HHAT: variants seen among roughly 807,000 people sequenced by gnomAD.
HHAT encodes the protein protein-cysteine N-palmitoyltransferase HHAT.
A neutral mutation model predicts 70.8 loss-of-function variants in HHAT; 47 were observed. The ratio of observed to expected loss-of-function variants is 0.66; its 90% CI spans 0.53 to 0.85. The LOEUF (loss-of-function observed/expected upper bound fraction) is 0.85. Ranked by LOEUF, HHAT falls within the 40% of genes least tolerant of loss-of-function variation. HHAT has a pLI of 0.00. For missense variants in HHAT, 609 were observed against 604.8 expected (o/e 1.01, Z -0.07); for synonymous variants, 228 against 247.6 (o/e 0.92, Z 0.74).
intron 9 of HHAT, among the ~76,000 whole-genome samples, chr1:210,521,794 G>A (rs188649431): frequency 5.1e-4 from 78 of 152,276 alleles, no homozygotes; most frequent in Non-Finnish European, 9.6e-4. Flanking sequence ...CCTTAGGACC[G>A]TTTAGACCTT....
chr1:210,378,639 G>A (rs542314983), intron 3 of HHAT, among the ~76,000 whole-genome samples: 18 of 152,062 alleles, frequency 1.2e-4, no homozygotes, highest in African/African-American at 3.9e-4. Flanking sequence ...AAAGTAATTG[G>A]GATATCCATC....
chr1:210,349,110 T>C, intron 2 of HHAT, 44 bp downstream of exon 2: 1 of 1,590,738 alleles, frequency 6.3e-7, no homozygotes, highest in Non-Finnish European at 8.6e-7. Flanking sequence ...ACAAGGAAAC[T>C]CCTGTCAAAA....
intron 10 of HHAT, among the ~76,000 whole-genome samples, chr1:210,604,429 T>C (rs1664966475): frequency 6.6e-6 from 1 of 152,066 alleles, no homozygotes; most frequent in South Asian, 2.1e-4. Context: ...GACATATTAG[T>C]TTTAAATGAT....
intron 9 of HHAT, among the ~76,000 whole-genome samples, chr1:210,559,843 A>C (rs1008821405): frequency 6.6e-6 from 1 of 152,186 alleles, no homozygotes; most frequent in African/African-American, 2.4e-5. Context: ...ACATTATTGA[A>C]ACAGTGTATC....
At chr1:210,370,729 C>T (rs1257772651) in intron 3 of HHAT, among the ~76,000 whole-genome samples, 6 of 149,472 alleles carry the variant, frequency 4.0e-5, no homozygotes, top group Non-Finnish European at 7.4e-5. Flanking sequence ...ATTCTCTTGC[C>T]TCAGCCTCCC....
chr1:210,392,407 TC>T (rs1168050698), intron 4 of HHAT, among the ~76,000 whole-genome samples: 2 of 152,094 alleles, frequency 1.3e-5, no homozygotes, highest in African/African-American at 4.8e-5. Context: ...TTCAGTATTG[TC>T]CCCAGGGCAC....
At chr1:210,516,736 A>AT (rs1419055974) in intron 9 of HHAT, among the ~76,000 whole-genome samples, 1 of 142,066 alleles carries the variant, frequency 7.0e-6, no homozygotes, top group Non-Finnish European at 1.6e-5. Flanking sequence ...AGTGTTTGGC[A>AT]TAAAAAAAAA....
chr1:210,649,055 T>A (rs1248338144), intron 11 of HHAT, among the ~76,000 whole-genome samples: 5 of 152,212 alleles, frequency 3.3e-5, no homozygotes, highest in Non-Finnish European at 1.5e-5. Context: ...TGAAAATAGC[T>A]TCCTTGGAAT....
chr1:210,421,917 G>GT (rs1004391819), intron 7 of HHAT, among the ~76,000 whole-genome samples: 2 of 151,904 alleles, frequency 1.3e-5, no homozygotes, highest in African/African-American at 4.8e-5. Flanking sequence ...TTTTTATGTT[G>GT]TTTTTTTGAC....
chr1:210,556,228 T>C (rs114086150), intron 9 of HHAT, among the ~76,000 whole-genome samples: 245 of 150,936 alleles, frequency 1.6e-3, no homozygotes, highest in African/African-American at 5.7e-3. Context: ...TTGCCTGACC[T>C]CTGGAGAGAG....
intron 6 of HHAT, among the ~76,000 whole-genome samples, chr1:210,408,256 C>T (rs1363670157): frequency 6.6e-6 from 1 of 152,160 alleles, no homozygotes; most frequent in African/African-American, 2.4e-5. Context: ...AACTTTAGCT[C>T]ATCGCAACCT....
chr1:210,480,108 G>A (rs1257118236), intron 8 of HHAT, among the ~76,000 whole-genome samples: 2 of 152,190 alleles, frequency 1.3e-5, no homozygotes, highest in Non-Finnish European at 2.9e-5. Context: ...GTGTGTATGT[G>A]TGTCTTTTGA....
intron 3 of HHAT, among the ~76,000 whole-genome samples, chr1:210,375,726 C>T (rs2090140445): frequency 6.6e-6 from 1 of 151,398 alleles, no homozygotes; most frequent in South Asian, 2.1e-4. Flanking sequence ...TTCTTTCCTT[C>T]TGGAAAATTT....
intron 6 of HHAT, among the ~76,000 whole-genome samples, chr1:210,406,548 A>G (rs1329415827): frequency 1.3e-5 from 2 of 151,982 alleles, no homozygotes; most frequent in African/African-American, 2.4e-5. Context: ...ATGCACCAGC[A>G]AGTCCAGCTA....
intron 4 of HHAT, among the ~76,000 whole-genome samples, chr1:210,389,292 T>A (rs933682297): frequency 6.6e-6 from 1 of 152,236 alleles, no homozygotes; most frequent in Non-Finnish European, 1.5e-5. Context: ...GAGGGCCTTC[T>A]TGCTGACATC....
chr1:210,473,012 A>T (rs6540597), intron 8 of HHAT, among the ~76,000 whole-genome samples: 122,808 of 152,142 alleles, frequency 0.81, 49,721 homozygotes, highest in South Asian at 0.86. Flanking sequence ...TGGCAAATAT[A>T]TCCTCTTCAG....
intron 10 of HHAT, among the ~76,000 whole-genome samples, chr1:210,619,350 C>G (rs892693400): frequency 1.3e-5 from 2 of 152,148 alleles, no homozygotes; most frequent in African/African-American, 4.8e-5. Flanking sequence ...TACACCTTGC[C>G]TGTCTGTGGC....
intron 8 of HHAT, among the ~76,000 whole-genome samples, chr1:210,480,458 G>A (rs1312994770): frequency 6.6e-6 from 1 of 152,200 alleles, no homozygotes; most frequent in Non-Finnish European, 1.5e-5. Context: ...TGCCAGGGAA[G>A]ACATGGAGCT....
intron 9 of HHAT, among the ~76,000 whole-genome samples, chr1:210,576,277 C>T (rs1187467521): frequency 1.3e-5 from 2 of 151,950 alleles, no homozygotes; most frequent in African/African-American, 4.8e-5. Context: ...TTTAAAACCC[C>T]AGCTTTATTG....
Sources: allele counts gnomAD v4.1 joint callset (sites outside exome capture counted in the v4.1 genomes callset), GRCh38; gene constraint gnomAD v4.1.1; transcripts MANE v1.5; gene names NCBI Gene and HGNC (gene_info 2026-07-23, HGNC 2026-07-21).